PLD1: variants seen among roughly 807,000 people sequenced by gnomAD.
The protein encoded by PLD1 is choline phosphatase 1.
PLD1 carries 112 observed loss-of-function variants against 137.1 expected under a neutral mutation model. The observed-to-expected ratio is 0.82, with a 90% CI of 0.70 to 0.96. PLD1 has a LOEUF of 0.96. Ranked by LOEUF, PLD1 falls within the 40% of genes least tolerant of loss-of-function variation. The pLI is 0.00. For missense variants in PLD1, 1,321 were observed against 1,342.0 expected, an observed-to-expected ratio of 0.98 and a Z score of 0.24; for synonymous variants, 431 against 454.7, an observed-to-expected ratio of 0.95 and a Z score of 0.66.
At chr3:171,715,510 G>A (rs1185022764) in intron 8 of PLD1, among the ~76,000 whole-genome samples, 1 of 152,078 alleles carries the variant, frequency 6.6e-6, no homozygotes, top group African/African-American at 2.4e-5. Context: ...CTGTGAAAAT[G>A]TCATTAGTAT....
At chr3:171,751,146 C>T (rs1359160661) in intron 1 of PLD1, among the ~76,000 whole-genome samples, 1 of 152,094 alleles carries the variant, frequency 6.6e-6, no homozygotes, top group Admixed American at 6.5e-5. Context: ...TACCTCAAAG[C>T]TCCAATAAGA....
chr3:171,686,197 T>C (rs550244272), intron 16 of PLD1, among the ~76,000 whole-genome samples: 3 of 152,084 alleles, frequency 2.0e-5, no homozygotes, highest in Non-Finnish European at 4.4e-5. Context: ...TATATCTTCT[T>C]AGTCTTATAT....
At chr3:171,735,258 G>C (rs1719265342) in intron 4 of PLD1, among the ~76,000 whole-genome samples, 1 of 152,102 alleles carries the variant, frequency 6.6e-6, no homozygotes, top group Non-Finnish European at 1.5e-5. Flanking sequence ...CTCCTGAGTA[G>C]GTAGAACTAC....
intron 9 of PLD1, among the ~76,000 whole-genome samples, chr3:171,710,657 G>A (rs1717121706): frequency 6.6e-6 from 1 of 152,084 alleles, no homozygotes; most frequent in Non-Finnish European, 1.5e-5. Context: ...GAGGGGGTTG[G>A]CGACCCCTGC....
intron 26 of PLD1, 71 bp downstream of exon 26, chr3:171,605,228 G>A (rs1732111931): frequency 1.1e-6 from 1 of 915,248 alleles, no homozygotes; most frequent in Non-Finnish European, 1.8e-6. Context: ...ATAATATGCA[G>A]AAATAACAAT....
intron 25 of PLD1, among the ~76,000 whole-genome samples, chr3:171,608,722 G>A (rs1384463055): frequency 2.0e-5 from 3 of 152,106 alleles, no homozygotes; most frequent in Non-Finnish European, 4.4e-5. Flanking sequence ...TTGAGAAAAA[G>A]AGTCAGGACC....
chr3:171,775,281 T>G (rs1159933675), intron 1 of PLD1, among the ~76,000 whole-genome samples: 1 of 152,134 alleles, frequency 6.6e-6, no homozygotes, highest in Non-Finnish European at 1.5e-5. Flanking sequence ...TCATCACTAT[T>G]TCAAAATTAC....
intron 16 of PLD1, 58 bp downstream of exon 16, chr3:171,686,627 A>T: frequency 1.1e-6 from 1 of 871,888 alleles, no homozygotes; most frequent in African/African-American, 1.7e-5. Context: ...CCCATGCAGC[A>T]GACAACACAA....
intron 21 of PLD1, among the ~76,000 whole-genome samples, chr3:171,647,252 T>C (rs6762792): frequency 0.078 from 11,942 of 152,212 alleles, 1,351 homozygotes; most frequent in African/African-American, 0.25. Flanking sequence ...GAAAAATGTT[T>C]CTGGGGAAGT....
At chr3:171,632,833 A>C (rs1314829072) in intron 23 of PLD1, among the ~76,000 whole-genome samples, 1 of 152,222 alleles carries the variant, frequency 6.6e-6, no homozygotes. Context: ...TTTCTAAAGC[A>C]CATCTATGTG....
intron 18 of PLD1, among the ~76,000 whole-genome samples, chr3:171,674,894 A>C (rs1462205739): frequency 6.8e-6 from 1 of 146,050 alleles, no homozygotes; most frequent in African/African-American, 2.6e-5. Context: ...CAGGAGAATC[A>C]CTTGAACCTC....
intron 23 of PLD1, among the ~76,000 whole-genome samples, chr3:171,638,968 G>A (rs936786839): frequency 1.3e-5 from 2 of 151,700 alleles, no homozygotes; most frequent in African/African-American, 4.8e-5. Flanking sequence ...TTGGAATCTC[G>A]GTCTGCTCTT....
intron 1 of PLD1, among the ~76,000 whole-genome samples, chr3:171,803,345 A>G (rs1231742062): frequency 4.6e-5 from 7 of 152,248 alleles, no homozygotes; most frequent in Non-Finnish European, 8.8e-5. Context: ...CTCTTTGGTC[A>G]TAATGAGAAA....
At chr3:171,792,458 C>A in intron 1 of PLD1, 1 of 383,810 alleles carries the variant, frequency 2.6e-6, no homozygotes, top group Non-Finnish European at 5.2e-6. Flanking sequence ...CCTGGCCATC[C>A]ATCAGGCATT....
chr3:171,704,892 G>A (rs960863535), intron 11 of PLD1, among the ~76,000 whole-genome samples: 1 of 152,192 alleles, frequency 6.6e-6, no homozygotes, highest in Non-Finnish European at 1.5e-5. Flanking sequence ...AGATAGGCCA[G>A]CAGGCACCAG....
chr3:171,659,444 C>T (rs1265764144), intron 20 of PLD1, 143 bp from the exon 21 acceptor site: 2 of 574,694 alleles, frequency 3.5e-6, no homozygotes, highest in Non-Finnish European at 6.0e-6. Flanking sequence ...AAGTCAACGA[C>T]ACAGAAAAAA....
intron 11 of PLD1, among the ~76,000 whole-genome samples, chr3:171,700,315 A>AC (rs1716132555): frequency 7.9e-6 from 1 of 126,866 alleles, no homozygotes; most frequent in African/African-American, 2.8e-5. Flanking sequence ...CACACACACA[A>AC]ACACACACAC....
rs779602612 is a variant in PLD1, at chr3:171,688,806, A to G, written c.1409T>C (p.Ile470Thr). 2.4e-5 allele frequency: 38 copies of G among 1,614,042 alleles called. No individual in the cohort carries two copies. Among genetic ancestry groups the G allele is most frequent in the Admixed American group, 2.2e-4 (13 of 59,994 alleles). Reference protein sequence around the residue: ...LWAHHEKLVIIDQSVAFVGGI... With the variant: ...LWAHHEKLVITDQSVAFVGGI... The stretch of plus-strand genomic sequence containing the variant: ...TCCCACAAAGGCCACCGATTGGTCA[A>G]TGATGACAAGCTTCTCATGGTGAGC... Residue 470 changes from isoleucine to threonine, a missense_variant, in exon 14 of 27, where the codon ATT becomes ACT. Physicochemically the swap from Ile to Thr is moderately conservative, Grantham distance 89 (BLOSUM62 -1). Transcript: ENST00000351298.
intron 23 of PLD1, among the ~76,000 whole-genome samples, chr3:171,629,436 C>A (rs1734456300): frequency 6.6e-6 from 1 of 152,160 alleles, no homozygotes; most frequent in African/African-American, 2.4e-5. Flanking sequence ...GGCCATACTG[C>A]ACAAGGTAAT....
Sources: gnomAD v4.1 joint callset for allele counts (sites outside exome capture counted in the v4.1 genomes callset) on GRCh38, gnomAD v4.1.1 for gene constraint, MANE v1.5 for transcripts, NCBI Gene and HGNC (gene_info 2026-07-23, HGNC 2026-07-21) for gene names.